Variants in ANKRD62 observed in about 807,000 individuals in gnomAD.
The protein encoded by ANKRD62 is ankyrin repeat domain-containing protein 62.
A neutral mutation model predicts 98.8 loss-of-function variants in ANKRD62; 61 were observed. The ratio of observed to expected loss-of-function variants is 0.62; its 90% confidence interval spans 0.50 to 0.76. The LOEUF (loss-of-function observed/expected upper bound fraction) is 0.76. ANKRD62 is among the 30% of genes least tolerant of loss of function. ANKRD62 has a pLI of 0.00. For missense variants in ANKRD62, 933 were observed against 1,082.9 expected (o/e 0.86, Z 1.94); for synonymous variants, 341 against 367.9 (o/e 0.93, Z 0.84).
chr18:12,125,544 A>G lies in ANKRD62; in HGVS notation c.1723A>G (p.Ile575Val). 7.2e-6 allele frequency: 11 copies of G among 1,522,920 alleles called. No individual in the cohort carries two copies. The highest frequency in any genetic ancestry group is 1.2e-5 in the South Asian group (1 of 80,280). The allele number at this position is 1,522,920 out of a possible 1,614,324, so 94.3% of individuals were successfully genotyped here. Reference sequence around the variant, plus strand: ...TGAAATTGCCAGACTCAGGCTGGAAATAGACACAATAAAACATCAGAACCA... The same window carrying G: ...TGAAATTGCCAGACTCAGGCTGGAAGTAGACACAATAAAACATCAGAACCA... Reference protein sequence around the residue: ...RDEIARLRLEIDTIKHQNQET... With the variant: ...RDEIARLRLEVDTIKHQNQET... Residue 575 changes from isoleucine (I) to valine (V), a missense_variant, in exon 13 of 14, where the codon ATA (isoleucine) becomes GTA (valine). This residue lies in a region of ANKRD62 where 362 missense variants were observed against 434.5 expected (regional missense o/e 0.83). Transcript: ENST00000587848.
chr18:12,098,554 T>A (rs149113052), intron 5 of ANKRD62: 17 of 152,364 alleles, frequency 1.1e-4, no homozygotes, highest in African/African-American at 3.6e-4. Flanking sequence ...GAAGGCCATT[T>A]GACTAGTTTG....
chr18:12,168,927 C>T, the ANKRD62 span, among the ~76,000 whole-genome samples: 1 of 151,996 alleles, frequency 6.6e-6, no homozygotes, highest in African/African-American at 2.4e-5. Context: ...CATGATTTGG[C>T]TCTGTTTGTC....
chr18:12,157,182 T>C, the ANKRD62 span, among the ~76,000 whole-genome samples: 1 of 152,258 alleles, frequency 6.6e-6, no homozygotes, highest in African/African-American at 2.4e-5. Context: ...GATATTTTGC[T>C]TGTTCTGCTG....
intron 7 of ANKRD62, among the ~76,000 whole-genome samples, chr18:12,106,642 T>A (rs1271860182): frequency 6.6e-6 from 1 of 152,210 alleles, no homozygotes; most frequent in East Asian, 1.9e-4. Context: ...AGCTATAAAA[T>A]GTCATGGTTA....
chr18:12,155,080 T>C, the ANKRD62 span, among the ~76,000 whole-genome samples: 3 of 152,344 alleles, frequency 2.0e-5, no homozygotes, highest in South Asian at 6.2e-4. Flanking sequence ...CAAGTTTACC[T>C]GTGTAACAAA....
At chr18:12,130,186 A>G (rs1217530587), downstream of ANKRD62, among the ~76,000 whole-genome samples, 2 of 142,966 alleles carry the variant, frequency 1.4e-5, no homozygotes, top group Non-Finnish European at 3.2e-5. Context: ...TTTACACATC[A>G]CCCACAAAAC....
chr18:12,108,267 T>G (rs975846644), intron 8 of ANKRD62, among the ~76,000 whole-genome samples: 6 of 152,134 alleles, frequency 3.9e-5, no homozygotes, highest in Non-Finnish European at 8.8e-5. Context: ...CAAAAGAAGT[T>G]TAATTGACTC....
At chr18:12,171,949 A>G in the ANKRD62 span, among the ~76,000 whole-genome samples, 3 of 152,108 alleles carry the variant, frequency 2.0e-5, no homozygotes, top group African/African-American at 4.8e-5. Flanking sequence ...TTGTGCATGT[A>G]TCACGTGGTT....
rs753007087 is a variant in ANKRD62 at position 12,096,203 on chromosome 18, A to G, written c.515A>G (p.His172Arg). 14 of 1,529,894 alleles carry G rather than the reference A, an allele frequency of 9.2e-6. No homozygotes were observed. The highest frequency in any genetic ancestry group is 1.1e-5 in the Non-Finnish European group (13 of 1,141,988). 94.8% of individuals were successfully genotyped at this position (1,529,894 alleles called of 1,614,324 possible). The change falls in exon 4 of 14, where the codon CAT becomes CGT. Residue 172 changes from histidine to arginine, a missense_variant. Coordinates refer to ENST00000587848, the MANE Select transcript of ANKRD62 (RefSeq NM_001277333.2). ...ADIEARSQDG[H>R]TSLLLAVNRK... ...GTTTTTGCTGTTTTGCAGGATGGAC[A>G]TACATCACTTTTACTCGCTGTAAAT...
At chr18:12,164,321 T>G in the ANKRD62 span, among the ~76,000 whole-genome samples, 1 of 151,936 alleles carries the variant, frequency 6.6e-6, no homozygotes, top group African/African-American at 2.4e-5. Flanking sequence ...AATCTTTAAG[T>G]TTCTGTAGTA....
chr18:12,110,132 T>C (rs181389943), intron 8 of ANKRD62, among the ~76,000 whole-genome samples: 43 of 152,334 alleles, frequency 2.8e-4, no homozygotes, highest in African/African-American at 8.9e-4. Flanking sequence ...CACCATATTT[T>C]TCATTAGTGA....
At chr18:12,172,833 G>T in the ANKRD62 span, among the ~76,000 whole-genome samples, 1 of 152,146 alleles carries the variant, frequency 6.6e-6, no homozygotes, top group African/African-American at 2.4e-5. Context: ...CAACCTCACT[G>T]CCACCTTGCA....
chr18:12,112,928 C>T (rs1452523527), intron 8 of ANKRD62, among the ~76,000 whole-genome samples: 2 of 152,080 alleles, frequency 1.3e-5, no homozygotes, highest in South Asian at 2.1e-4. Flanking sequence ...TTTAGTCTGG[C>T]GTTGTCTCCC....
chr18:12,146,379 T>C, the ANKRD62 span, among the ~76,000 whole-genome samples: 6 of 152,110 alleles, frequency 3.9e-5, no homozygotes, highest in Non-Finnish European at 8.8e-5. Flanking sequence ...CAGAGGCATC[T>C]GGAGGCTGGA....
intron 10 of ANKRD62, among the ~76,000 whole-genome samples, chr18:12,122,075 A>C (rs1909793844): frequency 2.6e-5 from 4 of 152,148 alleles, no homozygotes; most frequent in Admixed American, 2.6e-4. Context: ...CGAATTTGTA[A>C]TTGTCACATT....
At chr18:12,179,769 CT>C in the ANKRD62 span, among the ~76,000 whole-genome samples, 1 of 130,018 alleles carries the variant, frequency 7.7e-6, no homozygotes, top group African/African-American at 3.0e-5. Context: ...ACTTTTGTTT[CT>C]TTTTTTCCCT....
intron 8 of ANKRD62, among the ~76,000 whole-genome samples, chr18:12,110,764 A>G (rs987574589): frequency 2.0e-5 from 3 of 152,180 alleles, no homozygotes; most frequent in African/African-American, 7.2e-5. Context: ...ACCTACCAGC[A>G]ATATTTGACC....
chr18:12,140,423 C>T, the ANKRD62 span, among the ~76,000 whole-genome samples: 5 of 152,180 alleles, frequency 3.3e-5, no homozygotes, highest in East Asian at 3.8e-4. Context: ...AAGAGGCACT[C>T]TGATTTTTAA....
intron 6 of ANKRD62, chr18:12,102,231 G>A (rs532516615): frequency 2.5e-6 from 2 of 788,348 alleles, no homozygotes; most frequent in Admixed American, 1.7e-5. Flanking sequence ...ATAAGCAGCT[G>A]GAAGCAGGCC....
Sources: gnomAD v4.1 joint callset for allele counts (sites outside exome capture counted in the v4.1 genomes callset) on GRCh38, gnomAD v4.1.1 for gene constraint, gnomAD v4.1.1 regional missense constraint, MANE v1.5 for transcripts, NCBI Gene and HGNC (gene_info 2026-07-23, HGNC 2026-07-21) for gene names.